The following ADGRL3 variants were observed in gnomAD, a reference collection of about 807,000 sequenced individuals.
ADGRL3 encodes adhesion G protein-coupled receptor L3, also known as calcium-independent alpha-latrotoxin receptor 3.
ADGRL3 carries 62 observed loss-of-function variants against 153.5 expected under a neutral mutation model. The ratio of observed to expected loss-of-function variants is 0.40; its 90% CI spans 0.33 to 0.50. The LOEUF is 0.50. Among genes scored for constraint, ADGRL3 ranks in the 20% least tolerant of loss-of-function variants. The pLI, the probability that ADGRL3 is intolerant of heterozygous loss-of-function variation, is 0.47. For synonymous variants in ADGRL3, 710 were observed against 672.5 expected (o/e 1.06, Z -0.86); for missense variants, 1,641 against 1,859.4 (o/e 0.88, Z 2.16).
chr4:61,523,486 C>G (rs937135589), intron 4 of ADGRL3, among the ~76,000 whole-genome samples: 3 of 152,100 alleles, frequency 2.0e-5, no homozygotes, highest in African/African-American at 7.2e-5. Context: ...CCATTTTAGA[C>G]AAGACTTAGA....
At chr4:61,870,293 C>T (rs1163420308) in intron 9 of ADGRL3, among the ~76,000 whole-genome samples, 2 of 152,070 alleles carry the variant, frequency 1.3e-5, no homozygotes, top group Non-Finnish European at 2.9e-5. Context: ...ATCCCTTATA[C>T]TATACACAAA....
At chr4:61,363,391 C>A (rs989231936) in intron 1 of ADGRL3, among the ~76,000 whole-genome samples, 3 of 150,550 alleles carry the variant, frequency 2.0e-5, no homozygotes, top group Non-Finnish European at 4.4e-5. Flanking sequence ...TCTTCATTTA[C>A]TCTGCTATAT....
chr4:61,239,664 AGGAAAAAAGAAGAAGCT>A (rs1327779461), intron 1 of ADGRL3, among the ~76,000 whole-genome samples: 1 of 152,130 alleles, frequency 6.6e-6, no homozygotes, highest in Non-Finnish European at 1.5e-5. Context: ...AATGAAAAAC[AGGAAAAAAGAAGAAGCT>A]GGAAATATAA....
chr4:61,359,529 C>T (rs1397709615), intron 1 of ADGRL3, among the ~76,000 whole-genome samples: 3 of 152,284 alleles, frequency 2.0e-5, no homozygotes, highest in East Asian at 3.9e-4. Context: ...GGCCTTTGCA[C>T]TTGTTTCCTC....
intron 9 of ADGRL3, among the ~76,000 whole-genome samples, chr4:61,872,689 G>T (rs1207706741): frequency 6.7e-6 from 1 of 150,212 alleles, no homozygotes. Context: ...ATTTAGACAA[G>T]ATAAAACACT....
chr4:61,891,590 G>A (rs992357448), intron 9 of ADGRL3, among the ~76,000 whole-genome samples: 1 of 152,064 alleles, frequency 6.6e-6, no homozygotes, highest in Non-Finnish European at 1.5e-5. Context: ...GGACCTCCTC[G>A]GGGCAGCGGA....
chr4:61,251,208 C>T (rs1759113785), intron 1 of ADGRL3, among the ~76,000 whole-genome samples: 1 of 152,120 alleles, frequency 6.6e-6, no homozygotes, highest in Admixed American at 6.5e-5. Context: ...CCTCAGACGT[C>T]TGGGGCCTGG....
At chr4:61,308,512 A>G (rs995439130) in intron 1 of ADGRL3, among the ~76,000 whole-genome samples, 3 of 152,176 alleles carry the variant, frequency 2.0e-5, no homozygotes, top group East Asian at 1.9e-4. Context: ...CACACTTACT[A>G]TGCCTAACCT....
chr4:61,628,773 G>A lies in ADGRL3; in HGVS notation c.473+41333G>A, dbSNP rs115567550. Among the ~76,000 whole-genome samples, 1,229 of 152,202 alleles carry A rather than the reference G, an allele frequency of 8.1e-3. 10 individuals are homozygous for A. The highest frequency in any genetic ancestry group is 0.013 in the Non-Finnish European group (916 of 67,994). ...TAAAGATGGTGGGAACTGCTTTGCC[G>A]AAATTCAACTCATTCTGCTTCAAAA... On this transcript the variant is annotated intron_variant, in intron 5 of 26. Transcript: ENST00000683033.
intron 4 of ADGRL3, among the ~76,000 whole-genome samples, chr4:61,545,659 G>A (rs1276456336): frequency 1.3e-5 from 2 of 151,906 alleles, no homozygotes; most frequent in African/African-American, 2.4e-5. Flanking sequence ...GACTACAGGC[G>A]CACGCCACCA....
intron 6 of ADGRL3, among the ~76,000 whole-genome samples, chr4:61,709,174 A>G (rs1348541602): frequency 6.6e-6 from 1 of 152,126 alleles, no homozygotes; most frequent in Non-Finnish European, 1.5e-5. Context: ...TGATCTTATT[A>G]TTACACTCTT....
intron 4 of ADGRL3, among the ~76,000 whole-genome samples, chr4:61,532,467 G>A (rs1259730565): frequency 6.6e-6 from 1 of 151,698 alleles, no homozygotes; most frequent in Non-Finnish European, 1.5e-5. Context: ...TGACCCCAGG[G>A]GTCAGAGTGA....
intron 5 of ADGRL3, among the ~76,000 whole-genome samples, chr4:61,642,335 T>C (rs563629419): frequency 6.6e-6 from 1 of 152,348 alleles, no homozygotes; most frequent in East Asian, 1.9e-4. Flanking sequence ...CCATTGCTTT[T>C]GGTGTTTTAG....
intron 5 of ADGRL3, among the ~76,000 whole-genome samples, chr4:61,664,703 C>T (rs2094722502): frequency 6.6e-6 from 1 of 152,050 alleles, no homozygotes. Flanking sequence ...AATATTTGTT[C>T]TTAAAGTCTG....
intron 5 of ADGRL3, among the ~76,000 whole-genome samples, chr4:61,598,126 T>C (rs1322790655): frequency 6.6e-6 from 1 of 152,110 alleles, no homozygotes; most frequent in Non-Finnish European, 1.5e-5. Context: ...TCAAATGGTT[T>C]ATAGTAAGTT....
intron 1 of ADGRL3, among the ~76,000 whole-genome samples, chr4:61,245,619 G>C (rs1756753221): frequency 6.6e-6 from 1 of 152,094 alleles, no homozygotes; most frequent in Non-Finnish European, 1.5e-5. Flanking sequence ...CTTGGCACAT[G>C]GTTGGCATTA....
chr4:61,329,915 A>C (rs934162669), intron 1 of ADGRL3, among the ~76,000 whole-genome samples: 35 of 152,190 alleles, frequency 2.3e-4, no homozygotes, highest in African/African-American at 8.4e-4. Flanking sequence ...ACCTAAGGTT[A>C]GTCCATGAAA....
At chr4:61,441,406 A>G (rs1461924348) in intron 2 of ADGRL3, among the ~76,000 whole-genome samples, 1 of 152,150 alleles carries the variant, frequency 6.6e-6, no homozygotes, top group East Asian at 1.9e-4. Flanking sequence ...GATAGTGGAT[A>G]TATCCAGAAA....
At chr4:61,314,054 C>T (rs935323157) in intron 1 of ADGRL3, among the ~76,000 whole-genome samples, 36 of 152,026 alleles carry the variant, frequency 2.4e-4, no homozygotes, top group Admixed American at 1.8e-3. Flanking sequence ...CTCCTGGCAG[C>T]CGGGAACTGA....
Sources: allele counts gnomAD v4.1 joint callset (sites outside exome capture counted in the v4.1 genomes callset), GRCh38; gene constraint gnomAD v4.1.1; transcripts MANE v1.5; gene names NCBI Gene and HGNC (gene_info 2026-07-23, HGNC 2026-07-21).